SLC47A1: variants seen among roughly 807,000 people sequenced by gnomAD.
SLC47A1 encodes multidrug and toxin extrusion protein 1.
Under a neutral mutation model 65.8 loss-of-function variants are expected in SLC47A1, and 58 were observed. The ratio of observed to expected loss-of-function variants is 0.88; its 90% CI spans 0.71 to 1.10. The LOEUF is 1.10. Ranked by LOEUF, SLC47A1 falls within the 50% of genes least tolerant of loss-of-function variation. The pLI is 0.00. For synonymous variants in SLC47A1, 285 were observed against 295.0 expected (o/e 0.97, Z 0.35); for missense variants, 706 against 719.2 (o/e 0.98, Z 0.21).
At chr17:19,561,424 A>G (rs2084309716) in intron 12 of SLC47A1, among the ~76,000 whole-genome samples, 1 of 151,912 alleles carries the variant, frequency 6.6e-6, no homozygotes, top group Non-Finnish European at 1.5e-5. Context: ...CGGGTGGATC[A>G]CAAGGTCAGG....
At chr17:19,563,346 A>G (rs2084329849) in intron 12 of SLC47A1, among the ~76,000 whole-genome samples, 1 of 151,696 alleles carries the variant, frequency 6.6e-6, no homozygotes, top group South Asian at 2.1e-4. Flanking sequence ...GTTAGCCAGG[A>G]TGGTCTCGAT....
Position 19,555,779 on chromosome 17 carries a change from G to A in SLC47A1, c.740-17G>A. ...CGATGGCCAGATCTCCTGGAAATGTGTGTGTCCCCCCCACAGGCTGGTCCC... is the reference window on the plus strand; with the variant it reads ...CGATGGCCAGATCTCCTGGAAATGTATGTGTCCCCCCCACAGGCTGGTCCC... On this transcript the variant is annotated splice_polypyrimidine_tract_variant and intron_variant, in intron 8 of 16. Transcript: ENST00000270570. 1 of 1,613,368 alleles carries A rather than the reference G, an allele frequency of 6.2e-7. No individual in the cohort carries two copies. Among genetic ancestry groups the A allele is most frequent in the Non-Finnish European group, 8.5e-7 (1 of 1,179,912 alleles).
chr17:19,558,017 A>G (rs1916669584), intron 10 of SLC47A1: 1 of 216,666 alleles, frequency 4.6e-6, no homozygotes, highest in Admixed American at 5.2e-5. Flanking sequence ...TTTCTTAATC[A>G]AAAGAAAGAT....
intron 6 of SLC47A1, among the ~76,000 whole-genome samples, chr17:19,553,214 G>A (rs1269801881): frequency 2.6e-5 from 4 of 152,040 alleles, no homozygotes; most frequent in Non-Finnish European, 4.4e-5. Context: ...GAGCCAGATG[G>A]TATCGGGGGA....
rs369235529 is a variant in SLC47A1 at position 19,540,555 on chromosome 17, C to G, written c.136-1838C>G. On this transcript the variant is annotated intron_variant, in intron 1 of 16. Coordinates refer to ENST00000270570, the MANE Select transcript of SLC47A1 (RefSeq NM_018242.3). ...GGGACATCTGTAAGGGTGGTGACAA[C>G]GCCCAAATCGTGTGGCACCATTACA... Among the ~76,000 whole-genome samples the G allele has an allele frequency of 9.8e-5, 15 of 152,310 alleles. No individual in the cohort carries two copies. The South Asian group carries it at 1.7e-3, about 17-fold the overall frequency.
intron 4 of SLC47A1, among the ~76,000 whole-genome samples, chr17:19,548,500 T>C (rs770320137): frequency 0.035 from 383 of 10,800 alleles, 2 homozygotes; most frequent in Non-Finnish European, 0.041. Context: ...AAGATTTTTC[T>C]TTTTTTTTTT....
At chr17:19,539,735 C>T (rs1400643398) in intron 1 of SLC47A1, among the ~76,000 whole-genome samples, 3 of 152,244 alleles carry the variant, frequency 2.0e-5, no homozygotes, top group South Asian at 2.1e-4. Flanking sequence ...ATCTACCTGC[C>T]TCGGCCTCCC....
intron 16 of SLC47A1, among the ~76,000 whole-genome samples, chr17:19,574,638 T>A (rs989085024): frequency 6.6e-6 from 1 of 152,214 alleles, no homozygotes; most frequent in Non-Finnish European, 1.5e-5. Context: ...ATAGCACTTA[T>A]CCCTGTTGTT....
intron 2 of SLC47A1, among the ~76,000 whole-genome samples, chr17:19,543,242 TG>T: frequency 6.6e-6 from 1 of 152,092 alleles, no homozygotes; most frequent in East Asian, 1.9e-4. Flanking sequence ...CCTGAGTAGC[TG>T]GTACTACAGG....
At chr17:19,575,248 C>G (rs2084430666) in intron 16 of SLC47A1, among the ~76,000 whole-genome samples, 1 of 152,032 alleles carries the variant, frequency 6.6e-6, no homozygotes, top group Admixed American at 6.6e-5. Context: ...AAATGATTTT[C>G]TTTCAGAACT....
intron 4 of SLC47A1, among the ~76,000 whole-genome samples, chr17:19,548,536 G>A (rs949876743): frequency 3.1e-5 from 4 of 129,772 alleles, no homozygotes; most frequent in African/African-American, 6.0e-5. Context: ...GTCTCACTCC[G>A]TCCCCCAGAC....
At chr17:19,574,158 A>G (rs2084421302) in intron 16 of SLC47A1, among the ~76,000 whole-genome samples, 3 of 151,894 alleles carry the variant, frequency 2.0e-5, no homozygotes, top group African/African-American at 7.3e-5. Context: ...CCTGACCACA[A>G]GTGATCCACC....
At chr17:19,543,681 T>C (rs1455730264) in intron 2 of SLC47A1, among the ~76,000 whole-genome samples, 4 of 152,160 alleles carry the variant, frequency 2.6e-5, no homozygotes, top group African/African-American at 7.2e-5. Flanking sequence ...ACCAGAGACA[T>C]GTCATCAATC....
chr17:19,563,258 A>G (rs968379866), intron 12 of SLC47A1, among the ~76,000 whole-genome samples: 2 of 147,068 alleles, frequency 1.4e-5, no homozygotes, highest in Non-Finnish European at 3.0e-5. Flanking sequence ...TCAGCCTCCC[A>G]AGTAGCTGGG....
In SLC47A1 at chr17:19,555,580, C is replaced by A; in HGVS notation, c.642-13C>A. 6.2e-7 allele frequency: 1 copy of A among 1,613,322 alleles called. No homozygotes were observed. The highest frequency in any genetic ancestry group is 8.5e-7 in the Non-Finnish European group (1 of 1,179,288). ...GGAAGGTACCTCCCTCTCATTGGGA[C>A]TGTTCTTTCCAGAGGCTCTGCACTG... On this transcript the variant is annotated splice_polypyrimidine_tract_variant and intron_variant, in intron 7 of 16. Transcript: ENST00000270570.
In SLC47A1 at chr17:19,542,375, G is replaced by T. The variant is rs199554387; in HGVS notation, c.136-18G>T. ...ATGGTGGTCACTCACGTCCCTTCCC[G>T]TTCCCCTCTCTTCCCAGTTCTTGGT... On this transcript the variant is annotated intron_variant, in intron 1 of 16. Transcript: ENST00000270570. 1 of 1,583,746 alleles carries T rather than the reference G, an allele frequency of 6.3e-7. No homozygotes were observed. Among genetic ancestry groups the T allele is most frequent in the Non-Finnish European group, 8.6e-7 (1 of 1,163,696 alleles).
At chr17:19,553,729 A>G (rs1422910086) in intron 6 of SLC47A1, among the ~76,000 whole-genome samples, 1 of 151,838 alleles carries the variant, frequency 6.6e-6, no homozygotes, top group Admixed American at 6.6e-5. Context: ...TTTAGTAGAG[A>G]TGGGGTTTTA....
intron 3 of SLC47A1, among the ~76,000 whole-genome samples, chr17:19,547,716 CTTTTTTTT>C (rs1180263887): frequency 1.0e-4 from 7 of 68,578 alleles, no homozygotes; most frequent in East Asian, 4.7e-4. Flanking sequence ...CCATGGGCTT[CTTTTTTTT>C]TTTTTTTTTT....
intron 6 of SLC47A1, among the ~76,000 whole-genome samples, chr17:19,553,425 TC>T (rs1341418758): frequency 1.3e-5 from 2 of 152,152 alleles, no homozygotes; most frequent in Non-Finnish European, 2.9e-5. Flanking sequence ...GTCCTTTTTG[TC>T]CCTGTCACAT....
Sources: allele counts gnomAD v4.1 joint callset (sites outside exome capture counted in the v4.1 genomes callset), GRCh38; gene constraint gnomAD v4.1.1; transcripts MANE v1.5; gene names NCBI Gene and HGNC (gene_info 2026-07-23, HGNC 2026-07-21).